Variants in PRKCZ observed in about 807,000 individuals in gnomAD.
PRKCZ encodes the protein protein kinase C zeta, also known as protein kinase C zeta type.
Under a neutral mutation model 79.5 loss-of-function variants are expected in PRKCZ, and 33 were observed. The ratio of observed to expected loss-of-function variants is 0.41; its 90% CI spans 0.31 to 0.55. PRKCZ has a LOEUF of 0.55. PRKCZ is among the 20% of genes least tolerant of loss of function. PRKCZ has a pLI of 0.19. For synonymous variants in PRKCZ, 342 were observed against 320.9 expected, an observed-to-expected ratio of 1.07 and a Z score of -0.70; for missense variants, 578 against 813.5, an observed-to-expected ratio of 0.71 and a Z score of 3.52.
chr1:2,157,022 A>T (rs1681191455), intron 10 of PRKCZ, among the ~76,000 whole-genome samples: 1 of 152,232 alleles, frequency 6.6e-6, no homozygotes, highest in African/African-American at 2.4e-5. Flanking sequence ...CTGGAGGCCC[A>T]GGAGAGCCAG....
intron 6 of PRKCZ, among the ~76,000 whole-genome samples, 200 bp from the exon 7 acceptor site, chr1:2,145,827 G>A (rs9442616): frequency 0.1 from 15,669 of 152,208 alleles, 871 homozygotes; most frequent in African/African-American, 0.14. Flanking sequence ...GAGGCGGGAG[G>A]ATTGCTCGAG....
chr1:2,181,922 G>A (rs550013356), intron 16 of PRKCZ: 5 of 454,882 alleles, frequency 1.1e-5, no homozygotes, highest in African/African-American at 4.0e-5. Flanking sequence ...CAGGTGAGCC[G>A]TTCTGCCTAA....
chr1:2,113,647 TTG>T (rs1670181136), intron 4 of PRKCZ, among the ~76,000 whole-genome samples: 1 of 152,210 alleles, frequency 6.6e-6, no homozygotes, highest in Non-Finnish European at 1.5e-5. Flanking sequence ...GCAACATTTT[TTG>T]TCTTTCCTCA....
At chr1:2,065,948 G>A (rs1038812988) in intron 4 of PRKCZ, among the ~76,000 whole-genome samples, 1 of 151,918 alleles carries the variant, frequency 6.6e-6, no homozygotes, top group African/African-American at 2.4e-5. Context: ...TGTTAATGTG[G>A]TATATTACTT....
At chr1:2,114,286 A>G (rs1670319390) in intron 4 of PRKCZ, among the ~76,000 whole-genome samples, 2 of 152,246 alleles carry the variant, frequency 1.3e-5, no homozygotes, top group African/African-American at 2.4e-5. Context: ...GCCCAAGCAC[A>G]GTGTCCAATG....
intron 4 of PRKCZ, among the ~76,000 whole-genome samples, chr1:2,067,921 T>C (rs2102285245): frequency 6.6e-6 from 1 of 152,356 alleles, no homozygotes; most frequent in South Asian, 2.1e-4. Flanking sequence ...TGCCTGTCTG[T>C]GTCTGGGGTG....
intron 16 of PRKCZ, among the ~76,000 whole-genome samples, chr1:2,179,361 G>A (rs1686096664): frequency 6.6e-6 from 1 of 152,198 alleles, no homozygotes; most frequent in East Asian, 1.9e-4. Context: ...TGGCCTGGTG[G>A]CTGGGGCTGC....
In PRKCZ at chr1:2,176,013, G is replaced by A. The variant is rs534544795; in HGVS notation, c.1575+700G>A. ...ACTGGACAGGACCAGCAGTCGCAGC[G>A]TTCACGGCTTGAGCTTTAGCGTCGG... On this transcript the variant is annotated intron_variant, in intron 16 of 17. Coordinates refer to ENST00000378567, the MANE Select transcript of PRKCZ (RefSeq NM_002744.6). Among the ~76,000 whole-genome samples the A allele has an allele frequency of 2.6e-4, 40 of 152,324 alleles. 1 individual carries two copies. Among genetic ancestry groups the A allele is most frequent in the Admixed American group, 1.4e-3 (21 of 15,308 alleles).
intron 16 of PRKCZ, 138 bp from the exon 17 acceptor site, chr1:2,184,445 T>C (rs1020302441): frequency 2.2e-5 from 14 of 622,274 alleles, no homozygotes; most frequent in African/African-American, 2.2e-4. Flanking sequence ...GAAAAAACAC[T>C]TGGCAGTCAA....
intron 16 of PRKCZ, 50 bp downstream of exon 16, chr1:2,175,363 A>G: frequency 6.8e-7 from 1 of 1,471,102 alleles, no homozygotes; most frequent in African/African-American, 1.4e-5. Flanking sequence ...CCCAACCCCA[A>G]ATCTACCCAA....
intron 16 of PRKCZ, among the ~76,000 whole-genome samples, chr1:2,179,302 A>T (rs113195559): frequency 2.6e-5 from 4 of 152,234 alleles, no homozygotes; most frequent in African/African-American, 9.6e-5. Context: ...GTGAGCTTTG[A>T]GTGATGGACA....
intron 4 of PRKCZ, among the ~76,000 whole-genome samples, chr1:2,102,658 A>T (rs923780290): frequency 1.2e-4 from 18 of 152,158 alleles, no homozygotes; most frequent in African/African-American, 4.1e-4. Flanking sequence ...TTACTTTGTT[A>T]TGAGTAATGA....
chr1:2,121,547 A>ACG (rs1557611860), intron 4 of PRKCZ, among the ~76,000 whole-genome samples: 1 of 12,208 alleles, frequency 8.2e-5, no homozygotes, highest in Admixed American at 9.5e-4. Flanking sequence ...GGGTTATATC[A>ACG]GTAGTTAGGG....
chr1:2,049,895 G>A (rs1451689489), upstream of PRKCZ: 1 of 152,446 alleles, frequency 6.6e-6, no homozygotes, highest in Non-Finnish European at 1.5e-5. Context: ...CCCTACAGGG[G>A]ACCTTGGATT....
intron 4 of PRKCZ, among the ~76,000 whole-genome samples, chr1:2,121,546 CA>C (rs1557611851): frequency 0.27 from 2,119 of 7,776 alleles, 154 homozygotes; most frequent in Admixed American, 0.34. Context: ...AGGGTTATAT[CA>C]GTAGTTAGGG....
chr1:2,055,406 C>G (rs1320927088), intron 1 of PRKCZ, 35 bp from the exon 2 acceptor site: 2 of 1,564,460 alleles, frequency 1.3e-6, no homozygotes. Flanking sequence ...AAATATGCCC[C>G]ACGGTAACAG....
intron 5 of PRKCZ, among the ~76,000 whole-genome samples, chr1:2,135,600 G>A (rs552743902): frequency 7.9e-5 from 12 of 152,370 alleles, no homozygotes; most frequent in Middle Eastern, 6.8e-3. Flanking sequence ...GCCTGGCTGT[G>A]TGACTCTTAT....
At chr1:2,134,366 T>C (rs1675720566) in intron 4 of PRKCZ, among the ~76,000 whole-genome samples, 1 of 152,220 alleles carries the variant, frequency 6.6e-6, no homozygotes, top group African/African-American at 2.4e-5. Context: ...TTTCATTTGG[T>C]TCATGAAAGT....
At chr1:2,085,179 A>G (rs1477120724) in intron 4 of PRKCZ, among the ~76,000 whole-genome samples, 2 of 152,072 alleles carry the variant, frequency 1.3e-5, no homozygotes, top group Middle Eastern at 3.2e-3. Context: ...GTGGGTATTT[A>G]TTTAAAGGGA....
Sources: gnomAD v4.1 joint callset for allele counts (sites outside exome capture counted in the v4.1 genomes callset) on GRCh38, gnomAD v4.1.1 for gene constraint, MANE v1.5 for transcripts, NCBI Gene and HGNC (gene_info 2026-07-23, HGNC 2026-07-21) for gene names.